The following GRM1 variants were observed in gnomAD, a reference collection of about 807,000 sequenced individuals.
The protein encoded by GRM1 is metabotropic glutamate receptor 1.
In GRM1, 33 loss-of-function variants were observed where a neutral mutation model predicts 90.9. That is an observed-to-expected ratio of 0.36 (90% CI 0.28 to 0.49). GRM1 has a LOEUF of 0.49. Among genes scored for constraint, GRM1 ranks in the 20% least tolerant of loss-of-function variants. GRM1 has a pLI of 0.99. For synonymous variants in GRM1, 700 were observed against 613.2 expected, an observed-to-expected ratio of 1.14 and a Z score of -2.09; for missense variants, 1,190 against 1,534.3, an observed-to-expected ratio of 0.78 and a Z score of 3.75.
intron 1 of GRM1, among the ~76,000 whole-genome samples, chr6:146,031,621 G>T (rs1399432656): frequency 6.6e-6 from 1 of 152,064 alleles, no homozygotes; most frequent in Non-Finnish European, 1.5e-5. Flanking sequence ...ACTGACTTAT[G>T]CTTCTGAAGC....
chr6:146,239,050 C>A (rs1780753856), intron 2 of GRM1, among the ~76,000 whole-genome samples: 1 of 152,116 alleles, frequency 6.6e-6, no homozygotes, highest in Non-Finnish European at 1.5e-5. Context: ...CCAGAGAATG[C>A]AAGAACTAAA....
At chr6:146,299,523 C>A (rs756529449) in intron 2 of GRM1, among the ~76,000 whole-genome samples, 80 of 152,224 alleles carry the variant, frequency 5.3e-4, no homozygotes, top group Non-Finnish European at 9.3e-4. Context: ...TGAGGCAAGA[C>A]CCTTCTTAAT....
chr6:146,373,280 AAG>A (rs1229069876), intron 5 of GRM1, among the ~76,000 whole-genome samples: 1 of 152,164 alleles, frequency 6.6e-6, no homozygotes, highest in Non-Finnish European at 1.5e-5. Flanking sequence ...TTATAAGGAA[AAG>A]AGGTTTAAAT....
chr6:146,133,072 G>A (rs548203634), intron 1 of GRM1, among the ~76,000 whole-genome samples: 6 of 152,290 alleles, frequency 3.9e-5, no homozygotes, highest in South Asian at 2.1e-4. Context: ...TCTGAAATGA[G>A]TCAGAGACAT....
At chr6:146,086,119 C>G (rs1476613209) in intron 1 of GRM1, among the ~76,000 whole-genome samples, 1 of 152,048 alleles carries the variant, frequency 6.6e-6, no homozygotes, top group Non-Finnish European at 1.5e-5. Flanking sequence ...GAAAGGAGCC[C>G]ACACATAATA....
intron 1 of GRM1, among the ~76,000 whole-genome samples, chr6:146,112,567 G>A (rs1775599088): frequency 1.3e-5 from 2 of 152,010 alleles, no homozygotes; most frequent in Admixed American, 1.3e-4. Flanking sequence ...CCTCTATCTG[G>A]GCTCCCTTGG....
intron 6 of GRM1, among the ~76,000 whole-genome samples, chr6:146,393,053 A>T (rs1379968979): frequency 6.6e-6 from 1 of 152,182 alleles, no homozygotes; most frequent in African/African-American, 2.4e-5. Context: ...ATACCCAGTA[A>T]TGGGATCGCT....
At chr6:146,075,614 A>G (rs920685374) in intron 1 of GRM1, among the ~76,000 whole-genome samples, 1 of 152,190 alleles carries the variant, frequency 6.6e-6, no homozygotes, top group Middle Eastern at 3.2e-3. Context: ...ATAACAAAGT[A>G]CTACAAACAG....
intron 2 of GRM1, among the ~76,000 whole-genome samples, chr6:146,199,518 A>G (rs1305095108): frequency 6.6e-6 from 1 of 152,216 alleles, no homozygotes; most frequent in Non-Finnish European, 1.5e-5. Context: ...TCCTGCCAGT[A>G]TAGGCTAGCT....
chr6:146,225,045 C>T (rs1583188456), intron 2 of GRM1, among the ~76,000 whole-genome samples: 1 of 152,082 alleles, frequency 6.6e-6, no homozygotes, highest in African/African-American at 2.4e-5. Flanking sequence ...GATACTCTTC[C>T]AATTTTTCTC....
At chr6:146,405,561 G>C (rs1777315305) in intron 7 of GRM1, among the ~76,000 whole-genome samples, 1 of 152,170 alleles carries the variant, frequency 6.6e-6, no homozygotes, top group African/African-American at 2.4e-5. Context: ...ATGCCAACAT[G>C]GTTTGTTTCT....
intron 5 of GRM1, among the ~76,000 whole-genome samples, chr6:146,364,358 C>A (rs1775599753): frequency 6.6e-6 from 1 of 152,164 alleles, no homozygotes; most frequent in Non-Finnish European, 1.5e-5. Flanking sequence ...ATTGTTTAGA[C>A]CGAAATCTAC....
chr6:146,289,389 A>T (rs1464956475), intron 2 of GRM1, among the ~76,000 whole-genome samples: 1 of 152,246 alleles, frequency 6.6e-6, no homozygotes, highest in Non-Finnish European at 1.5e-5. Flanking sequence ...GAATAAAGAT[A>T]TAAAAAATTT....
chr6:146,175,130 G>A (rs374931476), intron 2 of GRM1, among the ~76,000 whole-genome samples: 7 of 152,318 alleles, frequency 4.6e-5, no homozygotes, highest in South Asian at 2.1e-4. Flanking sequence ...GGAGGGGAAT[G>A]CACAAGGGAA....
intron 2 of GRM1, among the ~76,000 whole-genome samples, chr6:146,190,442 A>C (rs938698697): frequency 3.9e-5 from 6 of 152,186 alleles, no homozygotes; most frequent in African/African-American, 1.4e-4. Flanking sequence ...AAGGGAAAAA[A>C]GTTTCACTAA....
intron 1 of GRM1, among the ~76,000 whole-genome samples, chr6:146,118,111 T>C (rs62434313): frequency 6.6e-6 from 1 of 150,958 alleles, no homozygotes; most frequent in Non-Finnish European, 1.5e-5. Context: ...CATTTATTTA[T>C]TTATTTTTTA....
intron 7 of GRM1, among the ~76,000 whole-genome samples, chr6:146,413,466 T>C (rs1404462427): frequency 6.6e-6 from 1 of 152,136 alleles, no homozygotes; most frequent in African/African-American, 2.4e-5. Context: ...AGCATTTCTT[T>C]CCTTGCTTTA....
chr6:146,290,209 C>T (rs1283050943), intron 2 of GRM1, among the ~76,000 whole-genome samples: 1 of 152,112 alleles, frequency 6.6e-6, no homozygotes, highest in Non-Finnish European at 1.5e-5. Flanking sequence ...GATTAGTGCA[C>T]TTTATGGGTC....
rs551098076 is a variant in GRM1, at chr6:146,408,194, G to T, written c.2660+8495G>T. ...AGCTCTCTCCTGTATCTTCATTAGGGCACTGATTCCTTCATGAGGGCACCA... is the reference window on the plus strand; with the variant it reads ...AGCTCTCTCCTGTATCTTCATTAGGTCACTGATTCCTTCATGAGGGCACCA... On this transcript the variant is annotated intron_variant, in intron 7 of 7. Coordinates refer to ENST00000282753, the MANE Select transcript of GRM1 (RefSeq NM_001278064.2). Among the ~76,000 whole-genome samples the T allele has an allele frequency of 2.0e-5, 3 of 152,120 alleles. No individual in the cohort carries two copies. In the East Asian group the frequency reaches 5.8e-4, roughly 29 times the overall value.
Sources: gnomAD v4.1 joint callset for allele counts (sites outside exome capture counted in the v4.1 genomes callset) on GRCh38, gnomAD v4.1.1 for gene constraint, MANE v1.5 for transcripts, NCBI Gene and HGNC (gene_info 2026-07-23, HGNC 2026-07-21) for gene names.